MAP2: variants seen among roughly 807,000 people sequenced by gnomAD.
The protein encoded by MAP2 is microtubule-associated protein 2.
MAP2 carries 14 observed loss-of-function variants against 137.6 expected under a neutral mutation model. That is an observed-to-expected ratio of 0.10 (90% CI 0.07 to 0.16). MAP2 has a LOEUF of 0.16. MAP2 is among the 10% of genes least tolerant of loss of function. MAP2 has a pLI of 1.00. For missense variants in MAP2, 2,088 were observed against 2,191.5 expected (o/e 0.95, Z 0.94); for synonymous variants, 786 against 782.3 (o/e 1.00, Z -0.08).
At chr2:209,528,732 A>G (rs554689973) in intron 2 of MAP2, among the ~76,000 whole-genome samples, 1 of 150,756 alleles carries the variant, frequency 6.6e-6, no homozygotes, top group Non-Finnish European at 1.5e-5. Flanking sequence ...ATGTACATAA[A>G]TATACATGTA....
intron 3 of MAP2, among the ~76,000 whole-genome samples, chr2:209,624,628 T>G (rs533049776): frequency 2.2e-4 from 34 of 152,290 alleles, no homozygotes; most frequent in Admixed American, 1.9e-3. Context: ...CTGGAGAGAA[T>G]CAATGCAGAC....
intron 5 of MAP2, among the ~76,000 whole-genome samples, chr2:209,665,140 G>A (rs1161415677): frequency 1.3e-5 from 2 of 152,080 alleles, no homozygotes; most frequent in East Asian, 3.9e-4. Context: ...GTATATGGTG[G>A]AAGACTTGAC....
chr2:209,668,759 G>A (rs945018853), intron 5 of MAP2, among the ~76,000 whole-genome samples: 7 of 151,972 alleles, frequency 4.6e-5, no homozygotes, highest in Admixed American at 4.6e-4. Context: ...TCCAGTGAAG[G>A]TGCTCCCCTT....
intron 13 of MAP2, chr2:209,723,759 C>CT: frequency 2.1e-6 from 2 of 975,006 alleles, no homozygotes; most frequent in South Asian, 2.6e-5. Flanking sequence ...ACCCTGCCTT[C>CT]TTTCCCACCT....
chr2:209,507,386 T>C (rs2061203955), intron 1 of MAP2, among the ~76,000 whole-genome samples: 1 of 152,180 alleles, frequency 6.6e-6, no homozygotes, highest in African/African-American at 2.4e-5. Context: ...ATATATATTT[T>C]TTTCAATAAA....
At chr2:209,543,087 T>G (rs2067341513) in intron 2 of MAP2, among the ~76,000 whole-genome samples, 1 of 152,238 alleles carries the variant, frequency 6.6e-6, no homozygotes, top group South Asian at 2.1e-4. Flanking sequence ...GATATGTAAC[T>G]CTTTATTTCA....
At position 209,424,262 on chromosome 2, in the gene MAP2, A is replaced by G. The variant is rs968997512; in HGVS notation, c.-236A>G. 6.6e-6 allele frequency: 1 copy of G among 151,994 alleles called. No homozygotes were observed. Among genetic ancestry groups the G allele is most frequent in the African/African-American group, 2.4e-5 (1 of 41,286 alleles). 9.4% of individuals were successfully genotyped at this position (151,994 alleles called of 1,614,324 possible). A position where few individuals can be genotyped will look rare whatever the true frequency, so the allele number is the denominator to read the frequency against. ...GGCAGTCGCGACCGCGGGTGCATCC[A>G]GTTTCTGCGCCCAGGTAAGAGACCG... is the stretch of plus-strand genomic sequence containing the variant. On this transcript the variant is annotated 5_prime_UTR_variant, in exon 1 of 16. Coordinates refer to ENST00000682079, the MANE Select transcript of MAP2 (RefSeq NM_001375505.1).
chr2:209,680,254 G>C (rs1383956362), intron 6 of MAP2, among the ~76,000 whole-genome samples: 1 of 152,032 alleles, frequency 6.6e-6, no homozygotes, highest in Non-Finnish European at 1.5e-5. Context: ...GTGAACAAAA[G>C]GTTGTTTAAA....
chr2:209,466,803 A>G (rs1704238569), intron 1 of MAP2, among the ~76,000 whole-genome samples: 2 of 152,208 alleles, frequency 1.3e-5, no homozygotes. Flanking sequence ...AAAGCTAAGA[A>G]AACAGCAGAA....
rs543863466 is a variant in MAP2 at position 209,548,554 on chromosome 2, G to T, written c.-171-31482G>T. Among the ~76,000 whole-genome samples, 21 of 152,286 alleles carry T rather than the reference G, an allele frequency of 1.4e-4. No homozygotes were observed. In the South Asian group the frequency reaches 4.4e-3, roughly 32 times the overall value. ...CAGAATGTCAGAAAAATATTAGCCAGAAATGCAATCAATTGTTCAATGATA... is the reference window on the plus strand; with the variant it reads ...CAGAATGTCAGAAAAATATTAGCCATAAATGCAATCAATTGTTCAATGATA... On this transcript the variant is annotated intron_variant, in intron 2 of 15. Coordinates refer to ENST00000682079, the MANE Select transcript of MAP2 (RefSeq NM_001375505.1).
intron 1 of MAP2, among the ~76,000 whole-genome samples, chr2:209,481,254 C>T (rs1708685868): frequency 6.6e-6 from 1 of 152,184 alleles, no homozygotes; most frequent in Admixed American, 6.5e-5. Context: ...GACAACATCT[C>T]CCAACAGAAG....
intron 2 of MAP2, among the ~76,000 whole-genome samples, chr2:209,572,888 C>A (rs1403528165): frequency 1.3e-5 from 2 of 152,176 alleles, no homozygotes; most frequent in African/African-American, 4.8e-5. Context: ...TAGTGATTGT[C>A]TTTCAACTCC....
chr2:209,710,173 C>A lies in MAP2; in HGVS notation c.4992C>A (p.Asn1664Lys). ...CTCCCAAGCAGCTTCGGCTTATTAA[C>A]CAACCACTGCCAGACCTGAAGAATG... ...PATPKQLRLI[N>K]QPLPDLKNVK... The change falls in exon 13 of 16, where the codon AAC becomes AAA. Residue 1664 changes from asparagine to lysine, a missense_variant. Around this residue, in one of 6 missense-constraint regions of MAP2, gnomAD observed 591 missense variants for 642.6 expected, o/e 0.92. Transcript: ENST00000682079. 2 of 1,613,460 alleles carry A rather than the reference C, an allele frequency of 1.2e-6. No individual in the cohort carries two copies. Among genetic ancestry groups the A allele is most frequent in the Non-Finnish European group, 1.7e-6 (2 of 1,179,632 alleles).
At chr2:209,533,225 A>G (rs2065409875) in intron 2 of MAP2, among the ~76,000 whole-genome samples, 2 of 151,874 alleles carry the variant, frequency 1.3e-5, no homozygotes, top group Admixed American at 6.6e-5. Context: ...GCTCACTGCA[A>G]CCTCCGCCTC....
chr2:209,490,604 G>GAAAAA (rs2058966518), intron 1 of MAP2, among the ~76,000 whole-genome samples: 3 of 1,678 alleles, frequency 1.8e-3, no homozygotes, highest in Non-Finnish European at 2.3e-3. Context: ...CAAATGGAAA[G>GAAAAA]CAAAAAAAAA....
chr2:209,648,800 AAAAG>A (rs1348547848), intron 4 of MAP2, among the ~76,000 whole-genome samples: 7 of 143,062 alleles, frequency 4.9e-5, no homozygotes, highest in Admixed American at 2.0e-4. Context: ...AAAAAAAAAA[AAAAG>A]AAAGAAAGAA....
intron 5 of MAP2, among the ~76,000 whole-genome samples, chr2:209,654,710 G>A (rs2095031283): frequency 1.3e-5 from 2 of 152,224 alleles, no homozygotes; most frequent in East Asian, 3.9e-4. Flanking sequence ...TGCAGCATGA[G>A]GAGATGAGAG....
chr2:209,474,945 T>C (rs1706804336), intron 1 of MAP2, among the ~76,000 whole-genome samples: 1 of 152,062 alleles, frequency 6.6e-6, no homozygotes, highest in Non-Finnish European at 1.5e-5. Context: ...ATTTCAAATA[T>C]CTTTTTCACT....
intron 2 of MAP2, among the ~76,000 whole-genome samples, chr2:209,509,001 A>G (rs2061417829): frequency 6.6e-6 from 1 of 152,004 alleles, no homozygotes; most frequent in Non-Finnish European, 1.5e-5. Context: ...AGATTTTTGT[A>G]AAGTATACAT....
Sources: allele counts gnomAD v4.1 joint callset (sites outside exome capture counted in the v4.1 genomes callset), GRCh38; gene constraint gnomAD v4.1.1; regional missense constraint gnomAD v4.1.1; transcripts MANE v1.5; gene names NCBI Gene and HGNC (gene_info 2026-07-23, HGNC 2026-07-21).